The following RSRC1 variants were observed in gnomAD, a reference collection of about 807,000 sequenced individuals.
RSRC1 encodes the protein serine/Arginine-related protein 53.
Under a neutral mutation model 49.1 loss-of-function variants are expected in RSRC1, and 39 were observed. That is an observed-to-expected ratio of 0.79 (90% confidence interval 0.61 to 1.04). The LOEUF is 1.04. Ranked by LOEUF, RSRC1 falls within the 50% of genes least tolerant of loss-of-function variation. The pLI, the probability that RSRC1 is intolerant of heterozygous loss-of-function variation, is 0.00. For missense variants in RSRC1, 388 were observed against 402.4 expected, an observed-to-expected ratio of 0.96 and a Z score of 0.31; for synonymous variants, 143 against 130.8, an observed-to-expected ratio of 1.09 and a Z score of -0.63.
At chr3:158,139,565 C>G (rs1277236286) in intron 3 of RSRC1, among the ~76,000 whole-genome samples, 10 of 151,708 alleles carry the variant, frequency 6.6e-5, no homozygotes, top group Non-Finnish European at 1.5e-4. Flanking sequence ...GTGTTTAATA[C>G]TTAGAATAAA....
At chr3:158,160,368 A>T (rs1718146086) in intron 3 of RSRC1, among the ~76,000 whole-genome samples, 1 of 152,102 alleles carries the variant, frequency 6.6e-6, no homozygotes, top group South Asian at 2.1e-4. Flanking sequence ...TGATGAATCT[A>T]CCCCTTTCTT....
At chr3:158,200,528 A>T (rs1720982864) in intron 3 of RSRC1, among the ~76,000 whole-genome samples, 1 of 152,110 alleles carries the variant, frequency 6.6e-6, no homozygotes, top group East Asian at 1.9e-4. Flanking sequence ...CTATCATTTT[A>T]TGATTATTTT....
At chr3:158,127,759 T>G (rs917656285) in intron 3 of RSRC1, among the ~76,000 whole-genome samples, 9 of 39,370 alleles carry the variant, frequency 2.3e-4, no homozygotes, top group African/African-American at 5.7e-4. Context: ...CTTTGTGGTT[T>G]TTTTTTTTTT....
intron 3 of RSRC1, among the ~76,000 whole-genome samples, chr3:158,194,491 CT>C (rs368635096): frequency 0.026 from 3,329 of 126,504 alleles, 103 homozygotes; most frequent in African/African-American, 0.087. Context: ...CTTTGAGATT[CT>C]TTTTTTTTTT....
At chr3:158,395,386 A>G (rs942015424) in intron 6 of RSRC1, among the ~76,000 whole-genome samples, 3 of 152,080 alleles carry the variant, frequency 2.0e-5, no homozygotes, top group African/African-American at 7.2e-5. Flanking sequence ...TCAAGAGGGT[A>G]AACAGACAAC....
chr3:158,118,807 A>G (rs1489234891), intron 1 of RSRC1, among the ~76,000 whole-genome samples: 1 of 152,212 alleles, frequency 6.6e-6, no homozygotes, highest in Non-Finnish European at 1.5e-5. Flanking sequence ...CTTGTCAACT[A>G]GTAGGCTTCA....
intron 5 of RSRC1, among the ~76,000 whole-genome samples, chr3:158,329,556 T>C (rs1183233104): frequency 1.3e-5 from 2 of 152,238 alleles, no homozygotes; most frequent in African/African-American, 4.8e-5. Context: ...ACAGCGAATA[T>C]TGCTGAACAG....
chr3:158,186,152 T>A (rs1408814955), intron 3 of RSRC1, among the ~76,000 whole-genome samples: 1 of 151,990 alleles, frequency 6.6e-6, no homozygotes, highest in Non-Finnish European at 1.5e-5. Context: ...TTAAAAAGCC[T>A]TTAGATCTTC....
rs762053715 is a variant in RSRC1, at chr3:158,506,259, C to CATA, written c.653-30818_653-30816dup. Among the ~76,000 whole-genome samples the CATA allele has an allele frequency of 3.1e-4, 47 of 151,888 alleles. No homozygotes were observed. The East Asian group carries it at 3.3e-3, about 11-fold the overall frequency. On this transcript the variant is annotated intron_variant, in intron 7 of 9. Transcript: ENST00000611884. ...AACTCAAATCTTTAACTCAATAGCA[C>CATA]ATAATAATAATAATAATTCCATTAA...
chr3:158,217,879 T>A (rs1722038484), intron 4 of RSRC1, among the ~76,000 whole-genome samples: 1 of 151,408 alleles, frequency 6.6e-6, no homozygotes, highest in Non-Finnish European at 1.5e-5. Context: ...GGGACGGAGA[T>A]GTATTTGACC....
chr3:158,233,092 T>C (rs827123), intron 4 of RSRC1, among the ~76,000 whole-genome samples: 93,233 of 151,816 alleles, frequency 0.61, 29,002 homozygotes, highest in East Asian at 0.73. Context: ...AATGTGATTG[T>C]GACCTTAAAA....
intron 3 of RSRC1, among the ~76,000 whole-genome samples, chr3:158,187,076 A>G (rs1719973782): frequency 6.6e-6 from 1 of 151,936 alleles, no homozygotes; most frequent in Non-Finnish European, 1.5e-5. Flanking sequence ...CTGAGATTAG[A>G]TTTCAGTTTT....
chr3:158,232,203 A>G (rs1250118545), intron 4 of RSRC1, among the ~76,000 whole-genome samples: 4 of 150,724 alleles, frequency 2.7e-5, no homozygotes, highest in Admixed American at 6.7e-5. Context: ...TCTAAAATCT[A>G]CAGTGCATTT....
rs768997995 is a variant in RSRC1, at chr3:158,214,353, A to AT, written c.494+11114dup. Among the ~76,000 whole-genome samples, 7 of 151,558 alleles carry AT rather than the reference A, an allele frequency of 4.6e-5. No homozygotes were observed. The East Asian group carries it at 1.2e-3, about 25-fold the overall frequency. On this transcript the variant is annotated intron_variant, in intron 4 of 9. Coordinates refer to ENST00000611884, the MANE Select transcript of RSRC1 (RefSeq NM_001271838.2). The stretch of plus-strand genomic sequence containing the variant: ...AGTGATAACTTCCTTTCATATCCTG[A>AT]TTTTTTGAGTAAGTATTGCTAGAGG...
chr3:158,402,471 A>G, intron 6 of RSRC1, among the ~76,000 whole-genome samples: 1 of 151,952 alleles, frequency 6.6e-6, no homozygotes, highest in East Asian at 1.9e-4. Context: ...AATGGTTATT[A>G]TTTATATAAC....
chr3:158,243,607 T>A (rs998350100), intron 4 of RSRC1, among the ~76,000 whole-genome samples: 1 of 152,210 alleles, frequency 6.6e-6, no homozygotes, highest in Non-Finnish European at 1.5e-5. Flanking sequence ...TTGATAGCAA[T>A]AGCACTGAAT....
chr3:158,539,430 T>C lies in RSRC1; in HGVS notation c.759+2232T>C, dbSNP rs969586144. Among the ~76,000 whole-genome samples the C allele has an allele frequency of 2.0e-5, 3 of 152,112 alleles. No homozygotes were observed. Among genetic ancestry groups the C allele is most frequent in the Admixed American group, 1.3e-4 (2 of 15,268 alleles). ...ATAGAGAATCTGATAGTCCCTGATATATCATTGAGGAACCAAGATGCAGCT... is the reference window on the plus strand; with the variant it reads ...ATAGAGAATCTGATAGTCCCTGATACATCATTGAGGAACCAAGATGCAGCT... On this transcript the variant is annotated intron_variant, in intron 8 of 9. Coordinates refer to ENST00000611884, the MANE Select transcript of RSRC1 (RefSeq NM_001271838.2). This position sits in a 1 kb window ranked among gnomAD's most constrained non-coding sequence, Gnocchi z 4.1.
intron 4 of RSRC1, among the ~76,000 whole-genome samples, chr3:158,252,107 T>G (rs1724242650): frequency 6.6e-6 from 1 of 152,142 alleles, no homozygotes; most frequent in Non-Finnish European, 1.5e-5. Flanking sequence ...GATTTGCATA[T>G]GTTGAACCAT....
At chr3:158,381,430 A>AGTTCTT (rs1366493461) in intron 6 of RSRC1, among the ~76,000 whole-genome samples, 1 of 152,230 alleles carries the variant, frequency 6.6e-6, no homozygotes, top group Non-Finnish European at 1.5e-5. Context: ...GATCTCTCGC[A>AGTTCTT]GTTCTTGCAT....
Sources: allele counts gnomAD v4.1 joint callset (sites outside exome capture counted in the v4.1 genomes callset), GRCh38; gene constraint gnomAD v4.1.1; non-coding constraint Gnocchi (gnomAD v3.1); transcripts MANE v1.5; gene names NCBI Gene and HGNC (gene_info 2026-07-23, HGNC 2026-07-21).